TRPM3: variants seen among roughly 807,000 people sequenced by gnomAD.
TRPM3 encodes transient receptor potential cation channel subfamily M member 3.
In TRPM3, 77 loss-of-function variants were observed where a neutral mutation model predicts 181.2. The ratio of observed to expected loss-of-function variants is 0.42; its 90% CI spans 0.35 to 0.51. TRPM3 has a LOEUF of 0.51. TRPM3 is among the 20% of genes least tolerant of loss of function. The probability of loss-of-function intolerance (pLI) is 0.01; values close to 1 mark genes in which losing one functional copy is unlikely to be tolerated. For missense variants in TRPM3, 1,759 were observed against 2,196.7 expected, an observed-to-expected ratio of 0.80 and a Z score of 3.98; for synonymous variants, 745 against 796.4, an observed-to-expected ratio of 0.94 and a Z score of 1.09.
At chr9:71,342,256 G>GTATATA (rs34481193) in intron 1 of TRPM3, among the ~76,000 whole-genome samples, 23 of 142,208 alleles carry the variant, frequency 1.6e-4, no homozygotes, top group Non-Finnish European at 3.1e-4. Context: ...TTAAATAGGT[G>GTATATA]TATATATATA....
At chr9:70,752,462 T>C (rs1439047362) in intron 8 of TRPM3, among the ~76,000 whole-genome samples, 3 of 152,148 alleles carry the variant, frequency 2.0e-5, no homozygotes, top group African/African-American at 4.8e-5. Flanking sequence ...GTAGAATATA[T>C]AGAAGAATAT....
chr9:71,309,580 G>T (rs1191011274), intron 1 of TRPM3, among the ~76,000 whole-genome samples: 1 of 152,012 alleles, frequency 6.6e-6, no homozygotes, highest in Non-Finnish European at 1.5e-5. Context: ...TCATTCTAGG[G>T]TTTTTAGCTA....
intron 1 of TRPM3, among the ~76,000 whole-genome samples, chr9:71,196,407 T>C (rs1379841062): frequency 1.3e-5 from 2 of 152,016 alleles, no homozygotes; most frequent in Admixed American, 1.3e-4. Context: ...CTTCATCCCA[T>C]TTTTTAAATT....
At chr9:70,543,046 G>GA (rs1445261792) in intron 25 of TRPM3, among the ~76,000 whole-genome samples, 1 of 152,156 alleles carries the variant, frequency 6.6e-6, no homozygotes, top group Non-Finnish European at 1.5e-5. Flanking sequence ...ATCAGCTTTG[G>GA]AAAAAGATAC....
intron 1 of TRPM3, among the ~76,000 whole-genome samples, chr9:71,210,181 C>A (rs774316971): frequency 6.6e-6 from 1 of 152,056 alleles, no homozygotes; most frequent in African/African-American, 2.4e-5. Context: ...AAGCAGGAAC[C>A]CTTTTGTGAA....
At chr9:70,628,109 G>T (rs2064997379) in intron 12 of TRPM3, among the ~76,000 whole-genome samples, 1 of 152,184 alleles carries the variant, frequency 6.6e-6, no homozygotes, top group Non-Finnish European at 1.5e-5. Flanking sequence ...AGGCTAACAA[G>T]GCCACAGTTT....
chr9:70,758,897 A>G (rs1034501473), intron 8 of TRPM3, among the ~76,000 whole-genome samples: 1 of 152,194 alleles, frequency 6.6e-6, no homozygotes, highest in African/African-American at 2.4e-5. Context: ...AACCTAGGCA[A>G]TACCATTCAG....
chr9:70,565,517 C>T (rs1178270565), intron 22 of TRPM3, among the ~76,000 whole-genome samples: 5 of 151,860 alleles, frequency 3.3e-5, no homozygotes, highest in East Asian at 1.9e-4. Context: ...GGTCTCGAAC[C>T]GCTGACCTCA....
intron 1 of TRPM3, among the ~76,000 whole-genome samples, chr9:71,081,552 T>C (rs376666877): frequency 1.3e-5 from 2 of 152,174 alleles, no homozygotes; most frequent in African/African-American, 4.8e-5. Context: ...AGGAAAAGAT[T>C]TGCAAGATGC....
intron 1 of TRPM3, among the ~76,000 whole-genome samples, chr9:71,092,274 C>T (rs373354574): frequency 1.2e-3 from 185 of 152,244 alleles, no homozygotes; most frequent in African/African-American, 4.0e-3. Context: ...AGATTCACAA[C>T]ACTATGAATG....
chr9:70,556,504 C>T (rs2047742133), intron 22 of TRPM3, among the ~76,000 whole-genome samples: 2 of 152,050 alleles, frequency 1.3e-5, no homozygotes, highest in South Asian at 4.2e-4. Flanking sequence ...GGTGGATCAC[C>T]TGAGGTCAGG....
At chr9:71,266,861 ATTGT>A (rs1407250619) in intron 1 of TRPM3, among the ~76,000 whole-genome samples, 8 of 151,018 alleles carry the variant, frequency 5.3e-5, no homozygotes, top group African/African-American at 4.9e-5. Context: ...TGACTAACAC[ATTGT>A]TTGTCTTTTT....
intron 1 of TRPM3, among the ~76,000 whole-genome samples, chr9:71,261,691 G>T (rs562717933): frequency 6.6e-6 from 1 of 152,256 alleles, no homozygotes; most frequent in African/African-American, 2.4e-5. Flanking sequence ...AGTTTGCATG[G>T]TCATCCTTTT....
intron 1 of TRPM3, among the ~76,000 whole-genome samples, chr9:71,382,972 A>G (rs926302472): frequency 2.6e-5 from 4 of 152,112 alleles, no homozygotes; most frequent in Admixed American, 2.6e-4. Context: ...TCTTTAGCTT[A>G]CTCTGTATAA....
intron 1 of TRPM3, among the ~76,000 whole-genome samples, chr9:71,247,296 G>T: frequency 7.3e-6 from 1 of 137,426 alleles, no homozygotes; most frequent in East Asian, 2.2e-4. Flanking sequence ...GGGGGTTGCA[G>T]TAAGCCGAGA....
In TRPM3 at chr9:71,335,090, G is replaced by A. The variant is rs574893133; in HGVS notation, c.183+111563C>T. Among the ~76,000 whole-genome samples the A allele has an allele frequency of 3.9e-5, 6 of 152,090 alleles. No individual in the cohort carries two copies. In the South Asian group the frequency reaches 1.2e-3, roughly 32 times the overall value. ...AGAAGGTATTAGGAAGGAGATCACG[G>A]GTAACCAAAAAATTATGGATAAAAG... On this transcript the variant is annotated intron_variant, in intron 1 of 24. Coordinates refer to the TRPM3 transcript ENST00000357533.
At position 71,362,119 on chromosome 9, in the gene TRPM3, A is replaced by G. The variant is rs144816430; in HGVS notation, c.183+84534T>C. Among the ~76,000 whole-genome samples, 145 of 152,306 alleles carry G rather than the reference A, an allele frequency of 9.5e-4. 1 individual carries two copies. The highest frequency in any genetic ancestry group is 6.0e-3 in the South Asian group (29 of 4,832). ...TCCCTTTACCACACTAATCATGCCC[A>G]CAGATAAGGCCCCTGAAGGCCACAC... On this transcript the variant is annotated intron_variant, in intron 1 of 24. Coordinates refer to the TRPM3 transcript ENST00000357533.
chr9:70,974,617 T>C (rs1334739771), intron 1 of TRPM3, among the ~76,000 whole-genome samples: 2 of 151,746 alleles, frequency 1.3e-5, no homozygotes, highest in Non-Finnish European at 2.9e-5. Context: ...TAGTCCTAGC[T>C]ACTCAGGAGG....
chr9:70,774,319 TAATG>T (rs1349731719), intron 7 of TRPM3: 16 of 153,208 alleles, frequency 1.0e-4, no homozygotes, highest in Non-Finnish European at 1.9e-4. Flanking sequence ...CTCTTCCACT[TAATG>T]AATAGTAAAT....
Sources: allele counts gnomAD v4.1 joint callset (sites outside exome capture counted in the v4.1 genomes callset), GRCh38; gene constraint gnomAD v4.1.1; transcripts MANE v1.5; gene names NCBI Gene and HGNC (gene_info 2026-07-23, HGNC 2026-07-21).